Variants in ARHGEF12 observed in about 807,000 individuals in gnomAD.
The protein encoded by ARHGEF12 is KMT2A/ARHGEF12 fusion protein.
ARHGEF12 carries 66 observed loss-of-function variants against 211.2 expected under a neutral mutation model. The ratio of observed to expected loss-of-function variants is 0.31; its 90% confidence interval spans 0.26 to 0.38. The LOEUF is 0.38. Among genes scored for constraint, ARHGEF12 ranks in the 10% least tolerant of loss-of-function variants. ARHGEF12 has a pLI of 1.00. For synonymous variants in ARHGEF12, 592 were observed against 638.4 expected (o/e 0.93, Z 1.09); for missense variants, 1,429 against 1,869.5 (o/e 0.76, Z 4.34).
intron 1 of ARHGEF12, among the ~76,000 whole-genome samples, chr11:120,395,056 C>CAAAAA (rs758953056): frequency 0.014 from 451 of 32,994 alleles, no homozygotes; most frequent in Non-Finnish European, 0.019. Context: ...GACTCTATCT[C>CAAAAA]AAAAAAAAAA....
chr11:120,431,930 A>G lies in ARHGEF12; in HGVS notation c.924+19A>G. ...TGCAGATGTAAGCTTTCAGTTTTCT[A>G]AATCTTTTTTCTTCTGTATTCTTCT... On this transcript the variant is annotated intron_variant, in intron 11 of 40. Transcript: ENST00000397843. The G allele has an allele frequency of 6.4e-7, 1 of 1,568,528 alleles. No individual in the cohort carries two copies. Among genetic ancestry groups the G allele is most frequent in the Non-Finnish European group, 8.6e-7 (1 of 1,159,370 alleles).
In ARHGEF12 at chr11:120,485,840, G is replaced by A; in HGVS notation, c.*763G>A. 4.3e-6 allele frequency: 1 copy of A among 233,580 alleles called. No individual in the cohort carries two copies. Among genetic ancestry groups the A allele is most frequent in the Admixed American group, 5.6e-5 (1 of 17,800 alleles). The allele number at this position is 233,580 out of a possible 1,614,324, so 14.5% of individuals were successfully genotyped here. A position where few individuals can be genotyped will look rare whatever the true frequency, so the allele number is the denominator to read the frequency against. ...GGAATCCTCAACATACTAAATAGCA[G>A]GCACTTGAAAATGGGTGTGTTTTCT... On this transcript the variant is annotated 3_prime_UTR_variant, in exon 41 of 41. Transcript: ENST00000397843.
intron 1 of ARHGEF12, among the ~76,000 whole-genome samples, chr11:120,394,367 A>AT (rs990916999): frequency 8.6e-5 from 13 of 150,914 alleles, no homozygotes; most frequent in Admixed American, 2.0e-4. Context: ...TGCCCCACTA[A>AT]TTTTTTTTAG....
intron 32 of ARHGEF12, 49 bp downstream of exon 32, chr11:120,474,684 G>T (rs756694181): frequency 6.8e-7 from 1 of 1,470,242 alleles, no homozygotes; most frequent in African/African-American, 1.4e-5. Context: ...CAAAAGGGAA[G>T]GAATAGGAAA....
At chr11:120,456,999 G>T in intron 22 of ARHGEF12, 119 bp from the exon 23 acceptor site, 1 of 897,624 alleles carries the variant, frequency 1.1e-6, no homozygotes, top group Non-Finnish European at 1.7e-6. Context: ...ACCTGCAGTT[G>T]TTTAAATAAG....
At chr11:120,465,897 C>T (rs191017339) in intron 28 of ARHGEF12, among the ~76,000 whole-genome samples, 3 of 152,276 alleles carry the variant, frequency 2.0e-5, no homozygotes, top group Admixed American at 2.0e-4. Context: ...CACATTGCCA[C>T]GAGGCTTTTA....
chr11:120,337,647 T>C, intron 1 of ARHGEF12: 3 of 985,420 alleles, frequency 3.0e-6, no homozygotes, highest in Non-Finnish European at 3.6e-6. Context: ...TTATCAGCTT[T>C]AGCCGTGTCC....
intron 12 of ARHGEF12, among the ~76,000 whole-genome samples, chr11:120,438,080 A>G (rs542281521): frequency 6.6e-6 from 1 of 152,312 alleles, no homozygotes; most frequent in East Asian, 1.9e-4. Context: ...GTTTGATCTT[A>G]CGTATTCTTA....
intron 1 of ARHGEF12, among the ~76,000 whole-genome samples, chr11:120,376,833 T>C (rs1277327855): frequency 2.0e-5 from 3 of 152,118 alleles, no homozygotes; most frequent in Non-Finnish European, 4.4e-5. Flanking sequence ...CATCTTTCTA[T>C]CTCCGTGAGT....
At position 120,360,765 on chromosome 11, in the gene ARHGEF12, AG is replaced by A. The variant is rs1464114212; in HGVS notation, c.32+23491del. Among the ~76,000 whole-genome samples the A allele has an allele frequency of 3.3e-5, 5 of 152,328 alleles. No individual in the cohort carries two copies. The South Asian group carries it at 1.0e-3, about 32-fold the overall frequency. ...ATTGTATTGTTATAAATAGAAAACCAGTATTGTTTGCTACATATAAAAGAGA... is the reference window on the plus strand; with the variant it reads ...ATTGTATTGTTATAAATAGAAAACCATATTGTTTGCTACATATAAAAGAGA... On this transcript the variant is annotated intron_variant, in intron 1 of 40. Coordinates refer to ENST00000397843, the MANE Select transcript of ARHGEF12 (RefSeq NM_015313.3).
chr11:120,379,234 A>G (rs1056151101), intron 1 of ARHGEF12, among the ~76,000 whole-genome samples: 7 of 152,006 alleles, frequency 4.6e-5, no homozygotes, highest in African/African-American at 1.7e-4. Flanking sequence ...TTCTTTATTA[A>G]TAATATATAG....
At chr11:120,347,171 C>CCTTG (rs1491286001) in intron 1 of ARHGEF12, among the ~76,000 whole-genome samples, 2 of 56,906 alleles carry the variant, frequency 3.5e-5, no homozygotes, top group African/African-American at 1.2e-4. Flanking sequence ...TTCCTTCCTT[C>CCTTG]CTTCCTTCCT....
intron 39 of ARHGEF12, among the ~76,000 whole-genome samples, chr11:120,483,997 C>T (rs1947331574): frequency 6.6e-6 from 1 of 152,170 alleles, no homozygotes; most frequent in Admixed American, 6.5e-5. Flanking sequence ...TCAGGTGATC[C>T]ACCTGCCTCG....
chr11:120,437,480 T>A, intron 12 of ARHGEF12, 98 bp downstream of exon 12: 1 of 811,282 alleles, frequency 1.2e-6, no homozygotes, highest in Non-Finnish European at 1.7e-6. Flanking sequence ...TTTTATTTTT[T>A]ATTTTTTGGA....
intron 1 of ARHGEF12, among the ~76,000 whole-genome samples, chr11:120,353,517 C>A (rs1270787692): frequency 6.6e-6 from 1 of 152,162 alleles, no homozygotes; most frequent in Non-Finnish European, 1.5e-5. Context: ...TCCATCCAGT[C>A]CCTTCCTGGA....
At chr11:120,379,765 T>G (rs1943828067) in intron 1 of ARHGEF12, among the ~76,000 whole-genome samples, 1 of 152,120 alleles carries the variant, frequency 6.6e-6, no homozygotes, top group South Asian at 2.1e-4. Context: ...TAAACCTACC[T>G]GGCATTCTTA....
rs200913803 is a variant in ARHGEF12 at position 120,442,455 on chromosome 11, C to T, written c.1302+253C>T. 8.9e-4 allele frequency among the ~76,000 whole-genome samples: 115 copies of T among 129,914 alleles called. 1 individual carries two copies. The East Asian group carries it at 0.011, about 13-fold the overall frequency. 85.2% of individuals were successfully genotyped at this position (129,914 alleles called of 152,430 possible). On this transcript the variant is annotated intron_variant, in intron 15 of 40. Coordinates refer to ENST00000397843, the MANE Select transcript of ARHGEF12 (RefSeq NM_015313.3). ...ACACACACACACACACACACACACACATATATATACACACACACACACACA... is the reference window on the plus strand; with the variant it reads ...ACACACACACACACACACACACACATATATATATACACACACACACACACA...
chr11:120,367,353 C>CTTTTTTTTTTTTTTTTTTTTTTTTTTTTT lies in ARHGEF12; in HGVS notation c.32+30080_32+30108dup, dbSNP rs1025919456. ...AAAAAATCTGTTAGGATACTTTTTC[C>CTTTTTTTTTTTTTTTTTTTTTTTTTTTTT]TTTTTTTTTTTTTTTTTTTTTTTTT... On this transcript the variant is annotated intron_variant, in intron 1 of 40. Transcript: ENST00000397843. Among the ~76,000 whole-genome samples the CTTTTTTTTTTTTTTTTTTTTTTTTTTTTT allele has an allele frequency of 1.7e-4, 10 of 59,352 alleles. 3 individuals carry two copies. The highest frequency in any genetic ancestry group is 3.1e-4 in the African/African-American group (4 of 12,950). The allele number at this position is 59,352 out of a possible 152,430, so 38.9% of individuals were successfully genotyped here.
chr11:120,369,171 C>G (rs1392697989), intron 1 of ARHGEF12, among the ~76,000 whole-genome samples: 1 of 142,444 alleles, frequency 7.0e-6, no homozygotes. Context: ...CTCTGTCCCC[C>G]AGTCTGGAGT....
Sources: allele counts gnomAD v4.1 joint callset (sites outside exome capture counted in the v4.1 genomes callset), GRCh38; gene constraint gnomAD v4.1.1; transcripts MANE v1.5; gene names NCBI Gene and HGNC (gene_info 2026-07-23, HGNC 2026-07-21).